RNF150: variants seen among roughly 807,000 people sequenced by gnomAD.
The protein encoded by RNF150 is ring finger protein 150.
In RNF150, 24 loss-of-function variants were observed where a neutral mutation model predicts 39.3. That is an observed-to-expected ratio of 0.61 (90% confidence interval 0.44 to 0.86). The LOEUF is 0.86. Among genes scored for constraint, RNF150 ranks in the 40% least tolerant of loss-of-function variants. The probability of loss-of-function intolerance (pLI) is 0.00; values close to 1 mark genes in which losing one functional copy is unlikely to be tolerated. For missense variants in RNF150, 502 were observed against 587.8 expected (o/e 0.85, Z 1.51); for synonymous variants, 255 against 227.3 (o/e 1.12, Z -1.10).
intron 1 of RNF150, among the ~76,000 whole-genome samples, chr4:141,100,752 T>C (rs932326676): frequency 2.6e-5 from 4 of 152,186 alleles, no homozygotes; most frequent in Non-Finnish European, 4.4e-5. Flanking sequence ...AGAGTGTACT[T>C]AACATAAACC....
chr4:141,117,447 GGTGT>G (rs1726443691), intron 1 of RNF150, among the ~76,000 whole-genome samples: 1 of 152,062 alleles, frequency 6.6e-6, no homozygotes, highest in African/African-American at 2.4e-5. Flanking sequence ...ATGTTGTACA[GGTGT>G]GTAGCCTAAA....
intron 6 of RNF150, among the ~76,000 whole-genome samples, chr4:140,906,630 C>T (rs2111262103): frequency 6.6e-6 from 1 of 152,310 alleles, no homozygotes; most frequent in Admixed American, 6.5e-5. Flanking sequence ...AAATCCATAT[C>T]ATTTTTCATT....
chr4:141,064,797 G>T (rs1737388092), intron 1 of RNF150, among the ~76,000 whole-genome samples: 1 of 152,100 alleles, frequency 6.6e-6, no homozygotes, highest in South Asian at 2.1e-4. Flanking sequence ...TGAATTAAAG[G>T]CAAGGCAGAG....
intron 2 of RNF150, among the ~76,000 whole-genome samples, chr4:140,965,895 T>A (rs1733221476): frequency 6.6e-6 from 1 of 152,092 alleles, no homozygotes; most frequent in Admixed American, 6.6e-5. Flanking sequence ...AATAAGTAGA[T>A]TTTACCTGCT....
intron 1 of RNF150, among the ~76,000 whole-genome samples, chr4:141,199,459 C>G (rs956852592): frequency 2.6e-5 from 4 of 152,170 alleles, no homozygotes; most frequent in Non-Finnish European, 5.9e-5. Context: ...AAATGTCCTT[C>G]AACTGATGAC....
At chr4:141,113,099 AC>A (rs1322521266) in intron 1 of RNF150, among the ~76,000 whole-genome samples, 1 of 151,802 alleles carries the variant, frequency 6.6e-6, no homozygotes, top group Non-Finnish European at 1.5e-5. Flanking sequence ...TCTTCTCTAA[AC>A]TGGTTATTCT....
intron 1 of RNF150, among the ~76,000 whole-genome samples, chr4:141,167,990 A>C (rs1727632070): frequency 6.6e-6 from 1 of 152,224 alleles, no homozygotes; most frequent in Non-Finnish European, 1.5e-5. Context: ...AGAAATCATC[A>C]TCAGAGTGAA....
chr4:141,067,987 C>G (rs1169933096), intron 1 of RNF150, among the ~76,000 whole-genome samples: 2 of 151,770 alleles, frequency 1.3e-5, no homozygotes, highest in Non-Finnish European at 2.9e-5. Flanking sequence ...ACTCAGTCAC[C>G]CAGGCTGGAG....
intron 1 of RNF150, among the ~76,000 whole-genome samples, chr4:141,205,123 C>A (rs1432449982): frequency 6.6e-6 from 1 of 152,042 alleles, no homozygotes; most frequent in East Asian, 1.9e-4. Flanking sequence ...GTGTTTTCAC[C>A]AATAACTAGA....
intron 1 of RNF150, among the ~76,000 whole-genome samples, chr4:141,158,463 A>G (rs1237723522): frequency 1.6e-3 from 1 of 624 alleles, no homozygotes; most frequent in South Asian, 0.25. Flanking sequence ...TCACTCTTTC[A>G]AAAAAAAAAA....
chr4:141,081,057 G>T (rs1738132751), intron 1 of RNF150, among the ~76,000 whole-genome samples: 1 of 152,280 alleles, frequency 6.6e-6, no homozygotes, highest in South Asian at 2.1e-4. Flanking sequence ...TGGATAAGTG[G>T]CCAGTATGGA....
chr4:140,973,652 G>A (rs139879709), intron 1 of RNF150, among the ~76,000 whole-genome samples: 372 of 152,072 alleles, frequency 2.4e-3, no homozygotes, highest in African/African-American at 8.6e-3. Flanking sequence ...TGAGGTGGGC[G>A]GATCACCTGA....
At chr4:141,136,698 T>A (rs1204592639), upstream of RNF150, among the ~76,000 whole-genome samples, 1 of 152,232 alleles carries the variant, frequency 6.6e-6, no homozygotes, top group East Asian at 1.9e-4. Flanking sequence ...TTACAGGCAC[T>A]GGGCATCCAA....
intron 1 of RNF150, among the ~76,000 whole-genome samples, chr4:141,090,470 C>T (rs1232395892): frequency 2.0e-5 from 3 of 152,186 alleles, no homozygotes; most frequent in Admixed American, 6.5e-5. Context: ...CCCACCTCTA[C>T]ATTTACTGAT....
chr4:140,920,311 A>G (rs977998230), intron 5 of RNF150, among the ~76,000 whole-genome samples: 9 of 135,382 alleles, frequency 6.6e-5, no homozygotes, highest in Non-Finnish European at 1.3e-4. Flanking sequence ...TAATATCCAG[A>G]ATCTACAATG....
chr4:140,967,811 G>T lies in RNF150; in HGVS notation c.547C>A (p.Leu183Met). 3.1e-6 allele frequency: 5 copies of T among 1,613,438 alleles called. No individual in the cohort carries two copies. Among genetic ancestry groups the T allele is most frequent in the Non-Finnish European group, 4.2e-6 (5 of 1,179,566 alleles). Residue 183 changes from leucine to methionine, a missense_variant, in exon 2 of 7, where the codon CTG becomes ATG. Transcript: ENST00000515673. The stretch of plus-strand genomic sequence containing the variant: ...ATTGTCACGGTGATGTTTCTTTCCA[G>T]CAGGCTTACTATCTCCTTCCCTTTT... ...EPKGKEIVSL[L>M]ERNITVTMYI... is the part of the protein sequence containing the mutation.
intron 1 of RNF150, among the ~76,000 whole-genome samples, chr4:140,994,841 A>T (rs1289992371): frequency 6.6e-6 from 1 of 152,160 alleles, no homozygotes; most frequent in Admixed American, 6.5e-5. Context: ...TTTAATTTTT[A>T]ATTTTTATGG....
chr4:141,125,631 T>C (rs1011433613), intron 1 of RNF150, among the ~76,000 whole-genome samples: 2 of 152,200 alleles, frequency 1.3e-5, no homozygotes, highest in Non-Finnish European at 2.9e-5. Context: ...ACAATAACGG[T>C]TAACTTTTCA....
intron 5 of RNF150, among the ~76,000 whole-genome samples, chr4:140,915,637 C>T (rs368777574): frequency 6.2e-4 from 94 of 152,304 alleles, no homozygotes; most frequent in African/African-American, 1.9e-3. Context: ...GTTCAGCTGG[C>T]CTTTAAAAAT....
Sources: allele counts gnomAD v4.1 joint callset (sites outside exome capture counted in the v4.1 genomes callset), GRCh38; gene constraint gnomAD v4.1.1; transcripts MANE v1.5; gene names NCBI Gene and HGNC (gene_info 2026-07-23, HGNC 2026-07-21).